The following FBXO47 variants were observed in gnomAD, a reference collection of about 807,000 sequenced individuals.
FBXO47 encodes the protein F-box only protein 47.
FBXO47 carries 34 observed loss-of-function variants against 53.9 expected under a neutral mutation model. The ratio of observed to expected loss-of-function variants is 0.63; its 90% CI spans 0.48 to 0.84. The LOEUF (loss-of-function observed/expected upper bound fraction) is 0.84. Among genes scored for constraint, FBXO47 ranks in the 40% least tolerant of loss-of-function variants. The pLI, the probability that FBXO47 is intolerant of heterozygous loss-of-function variation, is 0.00. For synonymous variants in FBXO47, 165 were observed against 181.6 expected (o/e 0.91, Z 0.73); for missense variants, 485 against 541.3 (o/e 0.90, Z 1.03).
chr17:38,966,350 C>A (rs539222750), intron 1 of FBXO47, among the ~76,000 whole-genome samples: 3 of 152,132 alleles, frequency 2.0e-5, no homozygotes, highest in African/African-American at 7.2e-5. Flanking sequence ...TACAGGTGCC[C>A]GCCCCCACGC....
chr17:38,951,755 G>T, intron 5 of FBXO47, 66 bp from the exon 6 acceptor site: 3 of 1,241,430 alleles, frequency 2.4e-6, no homozygotes, highest in Non-Finnish European at 3.5e-6. Flanking sequence ...GTCACACCAG[G>T]CATGGTGGCT....
In FBXO47 at chr17:38,965,882, C is replaced by CAAA. The variant is rs35075482; in HGVS notation, c.-27+1344_-27+1346dup. Among the ~76,000 whole-genome samples the CAAA allele has an allele frequency of 2.6e-3, 256 of 99,612 alleles. 1 individual carries two copies. Among genetic ancestry groups the CAAA allele is most frequent in the African/African-American group, 7.9e-3 (229 of 29,002 alleles). The allele number at this position is 99,612 out of a possible 152,430, so 65.3% of individuals were successfully genotyped here. A position where few individuals can be genotyped will look rare whatever the true frequency, so the allele number is the denominator to read the frequency against. ...TGGGTGACAGAGCAAGAATCTGCCT[C>CAAA]AAAAAAAAAAAAAAATAATTACACA... On this transcript the variant is annotated intron_variant, in intron 1 of 10. Coordinates refer to ENST00000378079, the MANE Select transcript of FBXO47 (RefSeq NM_001008777.3).
At chr17:38,937,618 T>A (rs1191769402) in intron 10 of FBXO47, among the ~76,000 whole-genome samples, 1 of 151,972 alleles carries the variant, frequency 6.6e-6, no homozygotes, top group African/African-American at 2.4e-5. Flanking sequence ...TATACGTATA[T>A]AATTTATTTG....
intron 1 of FBXO47, among the ~76,000 whole-genome samples, chr17:38,965,769 G>A (rs1163666841): frequency 7.0e-6 from 1 of 143,694 alleles, no homozygotes; most frequent in Non-Finnish European, 1.5e-5. Context: ...TGTAGTCCCA[G>A]CTACTCTGGA....
chr17:38,950,462 ATTTT>A (rs71352328), intron 6 of FBXO47, among the ~76,000 whole-genome samples: 3 of 128,522 alleles, frequency 2.3e-5, no homozygotes, highest in African/African-American at 5.7e-5. Context: ...TGCCCGCCTA[ATTTT>A]TTTTTTTTTT....
chr17:38,952,085 G>T (rs1448227464), intron 5 of FBXO47, among the ~76,000 whole-genome samples: 1 of 152,020 alleles, frequency 6.6e-6, no homozygotes, highest in Non-Finnish European at 1.5e-5. Context: ...TCAGTACTTT[G>T]GGAGGCCAAC....
chr17:38,961,021 C>G (rs1905790177), intron 3 of FBXO47, among the ~76,000 whole-genome samples: 1 of 152,066 alleles, frequency 6.6e-6, no homozygotes, highest in South Asian at 2.1e-4. Flanking sequence ...ATACTGAAAC[C>G]AACAACACTG....
intron 10 of FBXO47, among the ~76,000 whole-genome samples, chr17:38,938,120 T>C (rs764828618): frequency 7.2e-5 from 11 of 152,234 alleles, no homozygotes; most frequent in Non-Finnish European, 1.5e-4. Context: ...CTTTGAGACC[T>C]TGGTAAGTCA....
chr17:38,940,979 T>G (rs991438286), intron 9 of FBXO47, among the ~76,000 whole-genome samples: 6 of 151,724 alleles, frequency 4.0e-5, no homozygotes, highest in African/African-American at 1.5e-4. Flanking sequence ...GCACTCAGCC[T>G]TTTATTTAAG....
chr17:38,941,620 T>TTATCTATATATA (rs1904511290), intron 9 of FBXO47, among the ~76,000 whole-genome samples: 1 of 115,198 alleles, frequency 8.7e-6, no homozygotes, highest in Non-Finnish European at 1.8e-5. Context: ...AAATATAATA[T>TTATCTATATATA]TATATATATA....
intron 9 of FBXO47, among the ~76,000 whole-genome samples, chr17:38,939,711 A>G (rs1904423341): frequency 8.4e-6 from 1 of 118,762 alleles, no homozygotes; most frequent in African/African-American, 3.4e-5. Context: ...CCCAGGCCGG[A>G]CTGCGGACTG....
intron 6 of FBXO47, among the ~76,000 whole-genome samples, chr17:38,946,481 TATAA>T (rs1203378569): frequency 2.2e-5 from 2 of 89,472 alleles, no homozygotes; most frequent in African/African-American, 1.1e-4. Context: ...TATATAACTA[TATAA>T]ATATATATGA....
At chr17:38,951,442 C>T in intron 6 of FBXO47, 139 bp downstream of exon 6, 1 of 573,750 alleles carries the variant, frequency 1.7e-6, no homozygotes, top group Admixed American at 3.2e-5. Flanking sequence ...GATCCTCCCA[C>T]CTTGGCTTCC....
chr17:38,952,621 G>A (rs1905352290), intron 5 of FBXO47, among the ~76,000 whole-genome samples: 1 of 151,730 alleles, frequency 6.6e-6, no homozygotes, highest in South Asian at 2.1e-4. Context: ...AAATGGTACT[G>A]AATCCTGAAC....
rs753307081 is a variant in FBXO47 at position 38,962,877 on chromosome 17, T to G, written c.149A>C (p.Glu50Ala). Residue 50 changes from glutamate to alanine, a missense_variant, in exon 2 of 11, where the codon GAA (glutamate) becomes GCA (alanine). Physicochemically the swap from Glu to Ala is moderately radical, Grantham distance 107 (BLOSUM62 -1). Transcript: ENST00000378079. ...TFGNFKALPL[E>A]IFQIILKYLS... Reference sequence around the variant, plus strand: ...ATATTTTAAAATTATCTGGAATATTTCCAATGGTAAGGCTTTAAAATTTCC... The same window carrying G: ...ATATTTTAAAATTATCTGGAATATTGCCAATGGTAAGGCTTTAAAATTTCC... The G allele has an allele frequency of 2.4e-5, 39 of 1,612,440 alleles. No homozygotes were observed. The highest frequency in any genetic ancestry group is 2.9e-5 in the Non-Finnish European group (34 of 1,179,242).
intron 1 of FBXO47, 101 bp from the exon 2 acceptor site, chr17:38,963,152 A>G: frequency 1.5e-6 from 1 of 681,000 alleles, no homozygotes; most frequent in Non-Finnish European, 2.5e-6. Flanking sequence ...ACGATATGCA[A>G]TAGCTGTTTC....
intron 6 of FBXO47, among the ~76,000 whole-genome samples, chr17:38,950,680 A>G (rs1313513509): frequency 4.6e-5 from 7 of 152,068 alleles, no homozygotes; most frequent in African/African-American, 1.7e-4. Context: ...ATAAGGTTCT[A>G]TAATTTAAAA....
At chr17:38,963,802 G>GTTTTTTTTTTTTTTTTTTT in intron 1 of FBXO47, among the ~76,000 whole-genome samples, 1 of 128,638 alleles carries the variant, frequency 7.8e-6, no homozygotes, top group Non-Finnish European at 1.6e-5. Context: ...TTGTTTTGTT[G>GTTTTTTTTTTTTTTTTTTT]TTTTTTTTTT....
chr17:38,958,842 G>A (rs1341067967), intron 3 of FBXO47, among the ~76,000 whole-genome samples: 2 of 152,068 alleles, frequency 1.3e-5, no homozygotes, highest in South Asian at 2.1e-4. Context: ...TATATAAAAA[G>A]ACATTTTTCA....
Sources: gnomAD v4.1 joint callset for allele counts (sites outside exome capture counted in the v4.1 genomes callset) on GRCh38, gnomAD v4.1.1 for gene constraint, MANE v1.5 for transcripts, NCBI Gene and HGNC (gene_info 2026-07-23, HGNC 2026-07-21) for gene names.